Variants in FHIT observed in about 807,000 individuals in gnomAD.
The protein encoded by FHIT is bis(5'-adenosyl)-triphosphatase.
Under a neutral mutation model 17.9 loss-of-function variants are expected in FHIT, and 19 were observed. The observed-to-expected ratio is 1.06, with a 90% confidence interval of 0.74 to 1.56. FHIT has a LOEUF of 1.56. Among genes scored for constraint, FHIT ranks in the 40% most tolerant of loss-of-function variants. The pLI is 0.00. For missense variants in FHIT, 248 were observed against 189.2 expected, an observed-to-expected ratio of 1.31 and a Z score of -1.82; for synonymous variants, 81 against 69.7, an observed-to-expected ratio of 1.16 and a Z score of -0.81.
At chr3:60,459,538 G>T (rs928964812) in intron 5 of FHIT, among the ~76,000 whole-genome samples, 1 of 152,098 alleles carries the variant, frequency 6.6e-6, no homozygotes, top group Non-Finnish European at 1.5e-5. Flanking sequence ...GGTACAACGC[G>T]CTTAGCAGTG....
At chr3:60,540,302 T>A (rs906689445) in intron 4 of FHIT, among the ~76,000 whole-genome samples, 2 of 152,212 alleles carry the variant, frequency 1.3e-5, no homozygotes, top group Non-Finnish European at 2.9e-5. Flanking sequence ...GATAAACTGG[T>A]AAACTTAAGT....
chr3:60,520,689 A>G (rs2035324225), intron 5 of FHIT, among the ~76,000 whole-genome samples: 1 of 152,174 alleles, frequency 6.6e-6, no homozygotes, highest in Non-Finnish European at 1.5e-5. Flanking sequence ...GAGGACACTA[A>G]CATGGTGTTA....
intron 2 of FHIT, among the ~76,000 whole-genome samples, chr3:61,162,585 C>A (rs2037728644): frequency 6.6e-6 from 1 of 152,134 alleles, no homozygotes; most frequent in Non-Finnish European, 1.5e-5. Flanking sequence ...TATTATGATT[C>A]AAGCATTTGC....
At chr3:61,244,303 C>A (rs2040437530) in intron 1 of FHIT, among the ~76,000 whole-genome samples, 1 of 152,060 alleles carries the variant, frequency 6.6e-6, no homozygotes. Flanking sequence ...GGAAAGCAAT[C>A]CAAACAAATT....
intron 3 of FHIT, among the ~76,000 whole-genome samples, chr3:61,031,674 T>C (rs529173045): frequency 6.6e-5 from 10 of 152,318 alleles, no homozygotes; most frequent in Non-Finnish European, 8.8e-5. Flanking sequence ...GTTGTTATCT[T>C]GTAGGTAATC....
intron 4 of FHIT, among the ~76,000 whole-genome samples, chr3:60,620,902 C>T (rs1448428970): frequency 6.6e-6 from 1 of 151,970 alleles, no homozygotes; most frequent in East Asian, 1.9e-4. Context: ...AGTGGTGGGG[C>T]GTAGGCAAAC....
intron 4 of FHIT, among the ~76,000 whole-genome samples, chr3:60,680,558 C>CT (rs1234844706): frequency 2.5e-5 from 1 of 39,376 alleles, no homozygotes; most frequent in African/African-American, 6.9e-5. Context: ...ATTTCATCAT[C>CT]TATTTTTTTT....
At chr3:60,608,580 AT>A (rs1213413332) in intron 4 of FHIT, among the ~76,000 whole-genome samples, 125 of 150,924 alleles carry the variant, frequency 8.3e-4, no homozygotes, top group East Asian at 2.5e-3. Context: ...AGCCTCCTTT[AT>A]TTTTTTTCCC....
At chr3:60,893,704 C>G (rs1705634204) in intron 3 of FHIT, among the ~76,000 whole-genome samples, 1 of 152,218 alleles carries the variant, frequency 6.6e-6, no homozygotes, top group Non-Finnish European at 1.5e-5. Flanking sequence ...TGCCTAATGA[C>G]TGCCACTGCA....
At chr3:60,099,300 G>A (rs17376950) in intron 5 of FHIT, among the ~76,000 whole-genome samples, 22 of 152,194 alleles carry the variant, frequency 1.4e-4, no homozygotes, top group Middle Eastern at 3.4e-3. Context: ...GAATGGGATG[G>A]GCTCAAACGA....
At chr3:60,903,977 T>A (rs1477920938) in intron 3 of FHIT, among the ~76,000 whole-genome samples, 12 of 152,188 alleles carry the variant, frequency 7.9e-5, no homozygotes, top group Non-Finnish European at 1.2e-4. Flanking sequence ...AAGCTGAGCC[T>A]TCCCTCCCAG....
intron 8 of FHIT, among the ~76,000 whole-genome samples, chr3:59,863,644 G>A (rs1235383046): frequency 6.6e-6 from 1 of 152,168 alleles, no homozygotes; most frequent in Admixed American, 6.5e-5. Context: ...TTCTGAATAT[G>A]AAAACAAGTG....
chr3:60,819,066 T>C (rs560462618), intron 4 of FHIT, among the ~76,000 whole-genome samples: 1 of 151,450 alleles, frequency 6.6e-6, no homozygotes, highest in Admixed American at 6.6e-5. Flanking sequence ...TTTGGTCTTT[T>C]GGTACTTTAT....
chr3:60,321,713 T>C (rs1709441441), intron 5 of FHIT, among the ~76,000 whole-genome samples: 2 of 152,158 alleles, frequency 1.3e-5, no homozygotes, highest in Non-Finnish European at 2.9e-5. Flanking sequence ...TTAAATTGGG[T>C]GATGTATAAA....
intron 8 of FHIT, among the ~76,000 whole-genome samples, chr3:59,912,445 A>T (rs1250208296): frequency 6.6e-6 from 1 of 152,242 alleles, no homozygotes; most frequent in Non-Finnish European, 1.5e-5. Context: ...CAGAGAAGCC[A>T]GCTGAAATTT....
intron 8 of FHIT, among the ~76,000 whole-genome samples, chr3:59,763,314 C>T (rs529913586): frequency 1.1e-4 from 16 of 152,294 alleles, no homozygotes; most frequent in Admixed American, 2.0e-4. Flanking sequence ...CAAGATGCTA[C>T]GCAAACACAC....
At chr3:59,970,819 T>G (rs1278206768) in intron 7 of FHIT, among the ~76,000 whole-genome samples, 1 of 145,332 alleles carries the variant, frequency 6.9e-6, no homozygotes, top group Admixed American at 7.1e-5. Context: ...TGCAAAAACC[T>G]GCACGTCCCA....
chr3:60,552,973 G>A (rs995406044), intron 4 of FHIT, among the ~76,000 whole-genome samples: 3 of 152,108 alleles, frequency 2.0e-5, no homozygotes, highest in Admixed American at 6.6e-5. Context: ...ACATGGTCCC[G>A]GTCTGAGTGA....
intron 5 of FHIT, among the ~76,000 whole-genome samples, chr3:60,338,584 C>T (rs1710359354): frequency 6.6e-6 from 1 of 152,042 alleles, no homozygotes; most frequent in African/African-American, 2.4e-5. Flanking sequence ...CACATGCTGC[C>T]TTCCAAAAAA....
Sources: allele counts gnomAD v4.1 joint callset (sites outside exome capture counted in the v4.1 genomes callset), GRCh38; gene constraint gnomAD v4.1.1; transcripts MANE v1.5; gene names NCBI Gene and HGNC (gene_info 2026-07-23, HGNC 2026-07-21).